The following CDC5L variants were observed in gnomAD, a reference collection of about 807,000 sequenced individuals.
The protein encoded by CDC5L is cell division cycle 5-like protein.
In CDC5L, 18 loss-of-function variants were observed where a neutral mutation model predicts 104.1. The observed-to-expected ratio is 0.17, with a 90% CI of 0.12 to 0.26. The LOEUF is 0.26. Among genes scored for constraint, CDC5L ranks in the 10% least tolerant of loss-of-function variants. The pLI, the probability that CDC5L is intolerant of heterozygous loss-of-function variation, is 1.00. For synonymous variants in CDC5L, 331 were observed against 322.7 expected (o/e 1.03, Z -0.28); for missense variants, 673 against 956.9 (o/e 0.70, Z 3.91).
chr6:44,438,670 T>C (rs1020458101), intron 14 of CDC5L, among the ~76,000 whole-genome samples: 1 of 144,954 alleles, frequency 6.9e-6, no homozygotes, highest in East Asian at 1.9e-4. Context: ...TTTGTCTTTT[T>C]TTTTTTTTTT....
intron 5 of CDC5L, among the ~76,000 whole-genome samples, chr6:44,397,118 TG>T (rs1200120160): frequency 6.6e-6 from 1 of 152,232 alleles, no homozygotes; most frequent in Non-Finnish European, 1.5e-5. Context: ...CCCCTGAGGT[TG>T]GGGGTTGTGG....
intron 6 of CDC5L, among the ~76,000 whole-genome samples, chr6:44,405,641 C>A (rs1369057377): frequency 6.6e-6 from 1 of 152,060 alleles, no homozygotes; most frequent in African/African-American, 2.4e-5. Context: ...TACACATTTT[C>A]CTTTTTACAT....
rs1448209045 is a variant in CDC5L, at chr6:44,426,575, A to G, written c.1744A>G (p.Met582Val). 19 of 1,613,118 alleles carry G rather than the reference A, an allele frequency of 1.2e-5. No individual in the cohort carries two copies. The highest frequency in any genetic ancestry group is 2.2e-5 in the South Asian group (2 of 91,072). ...ACTAATCAAAAAAGAAATGATCACA[A>G]TGCTTCATTATGACCTTCTACATCA... is the stretch of plus-strand genomic sequence containing the variant. ...EELIKKEMIT[M>V]LHYDLLHHPY... Residue 582 changes from methionine (M) to valine (V), a missense_variant, in exon 13 of 16, where the codon ATG (methionine) becomes GTG (valine). This residue lies in a region of CDC5L where 578 missense variants were observed against 737.0 expected (regional missense o/e 0.78). Transcript: ENST00000371477.
rs771825332 is a variant in CDC5L, at chr6:44,390,910, TTA to T, written c.149+545_149+546del. On this transcript the variant is annotated intron_variant, in intron 2 of 15. Transcript: ENST00000371477. ...TATTATATATTAAACATACTTAATG[TTA>T]TATATTATATATTAAACATATTTAA... 2.4e-4 allele frequency among the ~76,000 whole-genome samples: 35 copies of T among 144,280 alleles called. No homozygotes were observed. The South Asian group carries it at 4.7e-3, about 19-fold the overall frequency. The allele number at this position is 144,280 out of a possible 152,430, so 94.7% of individuals were successfully genotyped here. A position where few individuals can be genotyped will look rare whatever the true frequency, so the allele number is the denominator to read the frequency against.
chr6:44,444,705 C>T (rs1290103704), intron 14 of CDC5L, among the ~76,000 whole-genome samples: 1 of 152,108 alleles, frequency 6.6e-6, no homozygotes, highest in African/African-American at 2.4e-5. Context: ...ATTTGCACAC[C>T]TGTTTAAAAC....
chr6:44,422,595 A>G, intron 9 of CDC5L, 52 bp from the exon 10 acceptor site: 1 of 1,137,176 alleles, frequency 8.8e-7, no homozygotes, highest in South Asian at 1.8e-5. Context: ...ATTTGAAAGC[A>G]CAATCCAAAT....
At chr6:44,417,152 G>A (rs1406861815) in intron 8 of CDC5L, among the ~76,000 whole-genome samples, 1 of 152,152 alleles carries the variant, frequency 6.6e-6, no homozygotes, top group East Asian at 1.9e-4. Flanking sequence ...GCCTTAGTAA[G>A]GAGGACTCAG....
chr6:44,417,008 C>T lies in CDC5L; in HGVS notation c.1093-2441C>T, dbSNP rs558814776. ...AGATATACAGAATAATGGAATAAGT[C>T]TTGCTCTGGTTATTTTCATTTTGCC... On this transcript the variant is annotated intron_variant, in intron 8 of 15. Transcript: ENST00000371477. Among the ~76,000 whole-genome samples, 74 of 152,132 alleles carry T rather than the reference C, an allele frequency of 4.9e-4. 1 individual carries two copies. Among genetic ancestry groups the T allele is most frequent in the Non-Finnish European group, 1.2e-4 (8 of 67,992 alleles).
chr6:44,420,664 C>T (rs911344780), intron 9 of CDC5L, among the ~76,000 whole-genome samples: 4 of 152,094 alleles, frequency 2.6e-5, no homozygotes, highest in Admixed American at 6.6e-5. Flanking sequence ...GGCCAAAATC[C>T]AAACTTTTTG....
At chr6:44,407,988 A>G (rs934670038) in intron 7 of CDC5L, among the ~76,000 whole-genome samples, 3 of 152,108 alleles carry the variant, frequency 2.0e-5, no homozygotes, top group Non-Finnish European at 2.9e-5. Flanking sequence ...CCAATTTTGT[A>G]TAAATACTGC....
At chr6:44,411,637 A>AGAGAGTGTGTGTGTGTGTGTGTGTGTGT in intron 8 of CDC5L, among the ~76,000 whole-genome samples, 1 of 123,646 alleles carries the variant, frequency 8.1e-6, no homozygotes, top group Admixed American at 8.2e-5. Context: ...AGAGAGAGAG[A>AGAGAGTGTGTGTGTGTGTGTGTGTGTGT]GTGTGTGTGT....
intron 14 of CDC5L, among the ~76,000 whole-genome samples, chr6:44,431,499 AT>A (rs1792683811): frequency 6.6e-6 from 1 of 152,216 alleles, no homozygotes; most frequent in Non-Finnish European, 1.5e-5. Context: ...GCTTCTTTGT[AT>A]TATTTATATA....
chr6:44,407,294 C>G (rs28755920), intron 7 of CDC5L, among the ~76,000 whole-genome samples: 1 of 151,050 alleles, frequency 6.6e-6, no homozygotes, highest in East Asian at 1.9e-4. Context: ...TTTTGACTTA[C>G]TATAGTTGGT....
intron 7 of CDC5L, 93 bp from the exon 8 acceptor site, chr6:44,408,351 C>T (rs1403360912): frequency 1.0e-6 from 1 of 970,566 alleles, no homozygotes; most frequent in Non-Finnish European, 1.5e-6. Context: ...GTTTGCCCTC[C>T]TCGGCCTCCC....
At chr6:44,403,343 A>C (rs9472275) in intron 5 of CDC5L, among the ~76,000 whole-genome samples, 21,276 of 151,706 alleles carry the variant, frequency 0.14, 2,481 homozygotes, top group East Asian at 0.61. Context: ...AAAAAAAAAA[A>C]AACTTTGCTT....
chr6:44,394,215 T>A (rs1474308201), intron 4 of CDC5L, among the ~76,000 whole-genome samples: 1 of 151,990 alleles, frequency 6.6e-6, no homozygotes, highest in Non-Finnish European at 1.5e-5. Flanking sequence ...CATAACCCCT[T>A]GAGCCCAGAA....
intron 1 of CDC5L, among the ~76,000 whole-genome samples, chr6:44,388,121 T>C (rs1244661076): frequency 6.7e-6 from 1 of 149,768 alleles, no homozygotes; most frequent in Non-Finnish European, 1.5e-5. Context: ...TGAACATTTG[T>C]TGACTTGAAT....
rs1423878706 is a variant in CDC5L, at chr6:44,404,063, A to G, written c.758+36A>G. On this transcript the variant is annotated intron_variant, in intron 6 of 15. Coordinates refer to ENST00000371477, the MANE Select transcript of CDC5L (RefSeq NM_001253.4). ...TTTCTGATTTTGGAAATGGAAAGGAATAGTAGGAGGAGTCTTACGAAGGGC... is the reference window on the plus strand; with the variant it reads ...TTTCTGATTTTGGAAATGGAAAGGAGTAGTAGGAGGAGTCTTACGAAGGGC... The G allele has an allele frequency of 1.2e-5, 18 of 1,490,874 alleles. No homozygotes were observed. The East Asian group carries it at 1.8e-4, about 15-fold the overall frequency. 92.4% of individuals were successfully genotyped at this position (1,490,874 alleles called of 1,614,324 possible).
chr6:44,413,293 G>A (rs1174657744), intron 8 of CDC5L, among the ~76,000 whole-genome samples: 1 of 152,014 alleles, frequency 6.6e-6, no homozygotes, highest in African/African-American at 2.4e-5. Context: ...TATCGTCAAG[G>A]TTCATCCATG....
Sources: allele counts gnomAD v4.1 joint callset (sites outside exome capture counted in the v4.1 genomes callset), GRCh38; gene constraint gnomAD v4.1.1; regional missense constraint gnomAD v4.1.1; transcripts MANE v1.5; gene names NCBI Gene and HGNC (gene_info 2026-07-23, HGNC 2026-07-21).